The following SEMA6D variants were observed in gnomAD, a reference collection of about 807,000 sequenced individuals.
SEMA6D encodes semaphorin-6D.
In SEMA6D, 35 loss-of-function variants were observed where a neutral mutation model predicts 106.6. The ratio of observed to expected loss-of-function variants is 0.33; its 90% CI spans 0.25 to 0.44. The LOEUF (loss-of-function observed/expected upper bound fraction) is 0.44, where lower values mean the gene tolerates loss of function less well. SEMA6D is among the 20% of genes least tolerant of loss of function. The probability of loss-of-function intolerance (pLI) is 1.00; values close to 1 mark genes in which losing one functional copy is unlikely to be tolerated. For missense variants in SEMA6D, 1,185 were observed against 1,345.9 expected (o/e 0.88, Z 1.87); for synonymous variants, 499 against 487.7 (o/e 1.02, Z -0.31).
chr15:47,518,485 C>T (rs1656619), intron 3 of SEMA6D, among the ~76,000 whole-genome samples: 1,752 of 152,292 alleles, frequency 0.012, 36 homozygotes, highest in African/African-American at 0.041. Context: ...ATAGAATGTA[C>T]TTATACCAAT....
chr15:47,635,285 T>C (rs749340545), intron 4 of SEMA6D, among the ~76,000 whole-genome samples: 1 of 152,142 alleles, frequency 6.6e-6, no homozygotes, highest in Non-Finnish European at 1.5e-5. Flanking sequence ...CAGTTTGGGA[T>C]TGGCTGTAGG....
intron 3 of SEMA6D, among the ~76,000 whole-genome samples, chr15:47,511,223 C>T (rs1378341057): frequency 1.3e-5 from 2 of 152,170 alleles, no homozygotes; most frequent in Non-Finnish European, 2.9e-5. Flanking sequence ...GGCAATTCCT[C>T]ATACTTGTTG....
chr15:47,295,513 T>C (rs2035769115), intron 1 of SEMA6D, among the ~76,000 whole-genome samples: 1 of 152,176 alleles, frequency 6.6e-6, no homozygotes. Flanking sequence ...AGTAGATCTT[T>C]AGATTACTCT....
At chr15:47,704,420 G>A (rs2078874013) in intron 4 of SEMA6D, among the ~76,000 whole-genome samples, 2 of 152,150 alleles carry the variant, frequency 1.3e-5, no homozygotes, top group Non-Finnish European at 2.9e-5. Flanking sequence ...GAATATACAT[G>A]ATAATTCATA....
At chr15:47,731,839 A>G (rs2080146374) in intron 1 of SEMA6D, among the ~76,000 whole-genome samples, 1 of 152,200 alleles carries the variant, frequency 6.6e-6, no homozygotes, top group African/African-American at 2.4e-5. Flanking sequence ...TGTCCACGCT[A>G]TACATAGGTG....
chr15:47,256,961 T>A lies in SEMA6D; in HGVS notation c.-239+72543T>A, dbSNP rs556641755. 3.3e-4 allele frequency among the ~76,000 whole-genome samples: 50 copies of A among 152,300 alleles called. 1 individual carries two copies. The South Asian group carries it at 0.01, about 31-fold the overall frequency. On this transcript the variant is annotated intron_variant, in intron 1 of 19. Transcript: ENST00000558014. ...CATTTGCAAATCAGAACAACATAAT[T>A]GTCTTTCCAATCAATATGATTTTAT...
At chr15:47,397,244 C>T (rs1394459431) in intron 1 of SEMA6D, among the ~76,000 whole-genome samples, 1 of 152,142 alleles carries the variant, frequency 6.6e-6, no homozygotes, top group Non-Finnish European at 1.5e-5. Context: ...TATGTGGGTT[C>T]TGTGCTCATA....
chr15:47,194,139 T>A (rs1194963751), intron 1 of SEMA6D, among the ~76,000 whole-genome samples: 2 of 151,670 alleles, frequency 1.3e-5, no homozygotes, highest in African/African-American at 2.4e-5. Flanking sequence ...GGATGGATGA[T>A]AGGTTTGGTT....
chr15:47,318,507 A>C (rs1423546259), intron 1 of SEMA6D, among the ~76,000 whole-genome samples: 1 of 147,064 alleles, frequency 6.8e-6, no homozygotes, highest in East Asian at 2.0e-4. Flanking sequence ...TATAAGTGAG[A>C]ATATGCGATG....
chr15:47,195,944 C>CCCCCAGG (rs1894314365), intron 1 of SEMA6D, among the ~76,000 whole-genome samples: 1 of 151,942 alleles, frequency 6.6e-6, no homozygotes, highest in Non-Finnish European at 1.5e-5. Context: ...AAAGCAAGGC[C>CCCCCAGG]CCCCAGGCCA....
chr15:47,297,829 G>T (rs1162825486), intron 1 of SEMA6D, among the ~76,000 whole-genome samples: 2 of 152,108 alleles, frequency 1.3e-5, no homozygotes, highest in Admixed American at 6.6e-5. Flanking sequence ...AGGAGCCGGG[G>T]ATGGGGCAAT....
intron 4 of SEMA6D, among the ~76,000 whole-genome samples, chr15:47,611,401 A>C (rs550576714): frequency 6.6e-6 from 1 of 152,330 alleles, no homozygotes; most frequent in East Asian, 1.9e-4. Flanking sequence ...AAATGGGAAA[A>C]TAGTCACAAT....
chr15:47,609,974 C>T (rs952354326), intron 4 of SEMA6D, among the ~76,000 whole-genome samples: 2 of 152,208 alleles, frequency 1.3e-5, no homozygotes, highest in Admixed American at 6.5e-5. Context: ...TGTCTTTCTT[C>T]CTGCTCGATC....
At chr15:47,452,835 C>A (rs2140946664) in intron 2 of SEMA6D, among the ~76,000 whole-genome samples, 1 of 151,972 alleles carries the variant, frequency 6.6e-6, no homozygotes, top group Non-Finnish European at 1.5e-5. Flanking sequence ...ATTTCAATTT[C>A]TGTTCAGTAA....
At chr15:47,543,308 AG>A (rs1178303952) in intron 3 of SEMA6D, among the ~76,000 whole-genome samples, 8 of 152,116 alleles carry the variant, frequency 5.3e-5, no homozygotes, top group Admixed American at 5.2e-4. Flanking sequence ...GGGTGGGGCC[AG>A]GTGAAGATAA....
chr15:47,763,541 C>T (rs648627), intron 9 of SEMA6D, among the ~76,000 whole-genome samples: 62,684 of 151,992 alleles, frequency 0.41, 13,738 homozygotes, highest in East Asian at 0.63. Context: ...TGAAAGATGA[C>T]ATGTTTCATT....
intron 3 of SEMA6D, among the ~76,000 whole-genome samples, chr15:47,571,990 A>G (rs1047447992): frequency 2.0e-5 from 3 of 152,204 alleles, no homozygotes; most frequent in African/African-American, 7.2e-5. Context: ...CTTAGTTTAA[A>G]GTATTATAGA....
Position 47,429,557 on chromosome 15 carries a change from G to A in SEMA6D, c.-159+17085G>A, listed in dbSNP as rs566443309. 4.6e-5 allele frequency among the ~76,000 whole-genome samples: 7 copies of A among 152,154 alleles called. No individual in the cohort carries two copies. In the South Asian group the frequency reaches 1.2e-3, roughly 27 times the overall value. On this transcript the variant is annotated intron_variant, in intron 2 of 19. Transcript: ENST00000558014. ...ACCCTATTGCATATTTGGTGGTAAG[G>A]CAACAGAACACCAACAAAATTATGC...
At chr15:47,765,080 C>T (rs746685105) in intron 13 of SEMA6D, 24 bp downstream of exon 13, 26 of 1,604,420 alleles carry the variant, frequency 1.6e-5, no homozygotes, top group Middle Eastern at 3.3e-4. Context: ...ACGAGAACGC[C>T]CTTCAGCACT....
Sources: gnomAD v4.1 joint callset for allele counts (sites outside exome capture counted in the v4.1 genomes callset) on GRCh38, gnomAD v4.1.1 for gene constraint, MANE v1.5 for transcripts, NCBI Gene and HGNC (gene_info 2026-07-23, HGNC 2026-07-21) for gene names.